Variants in TRHDE observed in about 807,000 individuals in gnomAD.
TRHDE encodes thyrotropin releasing hormone degrading enzyme.
A neutral mutation model predicts 125.7 loss-of-function variants in TRHDE; 72 were observed. That is an observed-to-expected ratio of 0.57 (90% CI 0.47 to 0.70). The LOEUF (loss-of-function observed/expected upper bound fraction) is 0.70. Among genes scored for constraint, TRHDE ranks in the 30% least tolerant of loss-of-function variants. The pLI is 0.00. For missense variants in TRHDE, 1,110 were observed against 1,327.1 expected (o/e 0.84, Z 2.54); for synonymous variants, 509 against 509.1 (o/e 1.00, Z 0.00).
Position 72,667,485 on chromosome 12 carries a change from G to A in TRHDE, c.*4290G>A, listed in dbSNP as rs1446290372. On this transcript the variant is annotated 3_prime_UTR_variant, in exon 19 of 19. Transcript: ENST00000261180. ...TATTGAGCATCTTTTATTTCACAAG[G>A]CACTTAGTGAGGGAAAGGAATACAG... 2.6e-5 allele frequency: 4 copies of A among 151,452 alleles called. No individual in the cohort carries two copies. The highest frequency in any genetic ancestry group is 5.9e-5 in the Non-Finnish European group (4 of 67,724). 9.4% of individuals were successfully genotyped at this position (151,452 alleles called of 1,614,324 possible). A position where few individuals can be genotyped will look rare whatever the true frequency, so the allele number is the denominator to read the frequency against.
chr12:72,305,451 G>T (rs1868326099), intron 2 of TRHDE, among the ~76,000 whole-genome samples: 2 of 152,174 alleles, frequency 1.3e-5, no homozygotes, highest in South Asian at 4.1e-4. Context: ...ATCATAAATT[G>T]CCTTCGGGGC....
intron 3 of TRHDE, among the ~76,000 whole-genome samples, chr12:72,450,364 G>A (rs1056356635): frequency 2.6e-5 from 4 of 151,844 alleles, no homozygotes; most frequent in Non-Finnish European, 4.4e-5. Flanking sequence ...AAGAATCGGT[G>A]GAAGTGAACA....
intron 3 of TRHDE, among the ~76,000 whole-genome samples, chr12:72,378,831 G>T (rs1381453555): frequency 3.3e-5 from 5 of 152,164 alleles, no homozygotes; most frequent in African/African-American, 1.2e-4. Context: ...ATGCATAAAT[G>T]AATTAATTGG....
At position 72,122,204 on chromosome 12, in the gene TRHDE, AGGCCGAGCTCT is replaced by A. The variant is rs907252786; in HGVS notation, n.279+16455_279+16465del. Among the ~76,000 whole-genome samples, 77 of 152,262 alleles carry A rather than the reference AGGCCGAGCTCT, an allele frequency of 5.1e-4. 1 individual carries two copies. The highest frequency in any genetic ancestry group is 1.7e-3 in the African/African-American group (72 of 41,552). ...CTGTGCTACTGGCCCTGCAGACTTC[AGGCCGAGCTCT>A]GGAGGCAGAAGCAACAGCTTACCCA... On this transcript the variant is annotated intron_variant and non_coding_transcript_variant, in intron 2 of 4. Transcript: ENST00000548156.
At position 72,343,303 on chromosome 12, in the gene TRHDE, G is replaced by A. The variant is rs577850007; in HGVS notation, c.1189-34692G>A. 9.9e-5 allele frequency among the ~76,000 whole-genome samples: 15 copies of A among 151,764 alleles called. No individual in the cohort carries two copies. In the East Asian group the frequency reaches 2.3e-3, roughly 24 times the overall value. On this transcript the variant is annotated intron_variant, in intron 2 of 18. Coordinates refer to ENST00000261180, the MANE Select transcript of TRHDE (RefSeq NM_013381.3). ...CAACTCCACACATACTCAAGTCCTC[G>A]CAGTTGACCTGTGCTATCTGAATAT... is the stretch of plus-strand genomic sequence containing the variant.
intron 5 of TRHDE, among the ~76,000 whole-genome samples, chr12:72,482,155 CATG>C (rs2135914513): frequency 6.6e-6 from 1 of 152,032 alleles, no homozygotes; most frequent in Non-Finnish European, 1.5e-5. Context: ...GAATAAATCT[CATG>C]ATAATATGGA....
chr12:72,094,401 G>A (rs545185544), intron 1 of TRHDE, among the ~76,000 whole-genome samples: 31 of 152,290 alleles, frequency 2.0e-4, no homozygotes, highest in African/African-American at 7.0e-4. Context: ...TTACTGATGA[G>A]CATATCTATT....
chr12:72,258,357 A>C (rs1436002750), intron 2 of TRHDE: 19 of 152,204 alleles, frequency 1.2e-4, no homozygotes, highest in Admixed American at 1.2e-3. Context: ...GACAAACCCC[A>C]AACAGTAAAA....
At chr12:72,116,013 C>T (rs1466552338) in intron 2 of TRHDE, among the ~76,000 whole-genome samples, 1 of 152,160 alleles carries the variant, frequency 6.6e-6, no homozygotes, top group African/African-American at 2.4e-5. Flanking sequence ...TCCCTTTCCC[C>T]CACTTACCCT....
chr12:72,633,147 AG>A (rs1873569036), intron 15 of TRHDE, among the ~76,000 whole-genome samples: 1 of 152,018 alleles, frequency 6.6e-6, no homozygotes, highest in Non-Finnish European at 1.5e-5. Flanking sequence ...TCCCTTTCAA[AG>A]TACATTTACC....
In TRHDE at chr12:72,273,264, C is replaced by G; in HGVS notation, c.621C>G (p.Thr207=). Reference sequence around the variant, plus strand: ...TCACCGCCTTCATGGAGAACTTCACCTTCTCCGGGGAGGTCAACGTGGAGA... The same window carrying G: ...TCACCGCCTTCATGGAGAACTTCACGTTCTCCGGGGAGGTCAACGTGGAGA... The part of the protein sequence containing the change: ...LMLTAFMENF[T]FSGEVNVEIA... The change falls in exon 1 of 19, where the codon ACC becomes ACG. Residue 207 remains threonine (T), a synonymous_variant. Coordinates refer to ENST00000261180, the MANE Select transcript of TRHDE (RefSeq NM_013381.3). The surrounding 1 kb of genome is among the most constrained non-coding windows in gnomAD (Gnocchi z 5.3). 2 of 1,614,092 alleles carry G rather than the reference C, an allele frequency of 1.2e-6. No individual in the cohort carries two copies. Among genetic ancestry groups the G allele is most frequent in the Non-Finnish European group, 1.7e-6 (2 of 1,180,028 alleles).
Position 72,604,500 on chromosome 12 carries a change from CAAT to C in TRHDE, c.2322-14390_2322-14388del, listed in dbSNP as rs374971976. ...AGCATTGTATATTAAATAATAACAA[CAAT>C]GACTCTTATTAAGATTCCAGAATTT... On this transcript the variant is annotated intron_variant, in intron 12 of 18. Coordinates refer to ENST00000261180, the MANE Select transcript of TRHDE (RefSeq NM_013381.3). Among the ~76,000 whole-genome samples, 59 of 152,108 alleles carry C rather than the reference CAAT, an allele frequency of 3.9e-4. 1 individual carries two copies. In the East Asian group the frequency reaches 7.0e-3, roughly 18 times the overall value.
intron 6 of TRHDE, among the ~76,000 whole-genome samples, chr12:72,519,715 G>T (rs965250003): frequency 1.3e-5 from 2 of 152,176 alleles, no homozygotes; most frequent in Non-Finnish European, 2.9e-5. Flanking sequence ...AGGAGGAGAG[G>T]TGCTCTGCTT....
chr12:72,483,889 T>C (rs560721492), intron 5 of TRHDE, among the ~76,000 whole-genome samples: 1 of 152,078 alleles, frequency 6.6e-6, no homozygotes, highest in Non-Finnish European at 1.5e-5. Flanking sequence ...TGGTTTGTTT[T>C]ATAAAATCTA....
intron 2 of TRHDE, among the ~76,000 whole-genome samples, chr12:72,170,169 A>G (rs752222645): frequency 4.6e-5 from 7 of 152,216 alleles, no homozygotes; most frequent in Non-Finnish European, 8.8e-5. Context: ...AGGGTGGATT[A>G]CAATAATGAG....
chr12:72,475,685 C>G (rs1876859436), intron 5 of TRHDE, among the ~76,000 whole-genome samples: 1 of 152,104 alleles, frequency 6.6e-6, no homozygotes, highest in African/African-American at 2.4e-5. Flanking sequence ...TAATTAAACA[C>G]AGACCATGCA....
intron 2 of TRHDE, among the ~76,000 whole-genome samples, chr12:72,127,727 C>T (rs1302016367): frequency 6.6e-6 from 1 of 152,120 alleles, no homozygotes; most frequent in African/African-American, 2.4e-5. Flanking sequence ...ACTATGCTCA[C>T]TACTTGAGTG....
At chr12:72,109,713 G>A (rs561388882) in intron 2 of TRHDE, among the ~76,000 whole-genome samples, 2 of 152,150 alleles carry the variant, frequency 1.3e-5, no homozygotes, top group Non-Finnish European at 2.9e-5. Context: ...AAATCACTAG[G>A]AGACTTCTCC....
At chr12:72,388,447 T>G (rs1872516479) in intron 3 of TRHDE, among the ~76,000 whole-genome samples, 1 of 152,212 alleles carries the variant, frequency 6.6e-6, no homozygotes, top group African/African-American at 2.4e-5. Flanking sequence ...CACTGCTCTA[T>G]TCCCTCTACT....
Sources: gnomAD v4.1 joint callset for allele counts (sites outside exome capture counted in the v4.1 genomes callset) on GRCh38, gnomAD v4.1.1 for gene constraint, Gnocchi (gnomAD v3.1) non-coding constraint, MANE v1.5 for transcripts, NCBI Gene and HGNC (gene_info 2026-07-23, HGNC 2026-07-21) for gene names.